MSI2: variants seen among roughly 807,000 people sequenced by gnomAD.
MSI2 encodes the protein musashi RNA binding protein 2, also known as RNA-binding protein Musashi homolog 2.
MSI2 carries 17 observed loss-of-function variants against 45.6 expected under a neutral mutation model. The ratio of observed to expected loss-of-function variants is 0.37; its 90% CI spans 0.26 to 0.56. The LOEUF (loss-of-function observed/expected upper bound fraction) is 0.56. MSI2 is among the 20% of genes least tolerant of loss of function. The pLI is 0.77. For synonymous variants in MSI2, 156 were observed against 158.2 expected (o/e 0.99, Z 0.11); for missense variants, 293 against 444.2 (o/e 0.66, Z 3.06).
At chr17:57,519,323 T>C (rs980679793) in intron 6 of MSI2, among the ~76,000 whole-genome samples, 1 of 152,176 alleles carries the variant, frequency 6.6e-6, no homozygotes, top group Non-Finnish European at 1.5e-5. Context: ...CAGTGTCTGT[T>C]ATGATGAGCA....
At chr17:57,650,968 C>T (rs1339821330) in intron 10 of MSI2, among the ~76,000 whole-genome samples, 1 of 152,096 alleles carries the variant, frequency 6.6e-6, no homozygotes, top group Non-Finnish European at 1.5e-5. Context: ...ATTGAGTTTG[C>T]GGCTGGCTTC....
rs1008179582 is a variant in MSI2 at position 57,684,249 on chromosome 17, G to A, written c.*4732G>A. The A allele has an allele frequency of 6.3e-5, 13 of 205,594 alleles. No homozygotes were observed. Among genetic ancestry groups the A allele is most frequent in the African/African-American group, 1.6e-4 (7 of 43,774 alleles). The allele number at this position is 205,594 out of a possible 1,614,324, so 12.7% of individuals were successfully genotyped here. On this transcript the variant is annotated 3_prime_UTR_variant, in exon 14 of 14. Transcript: ENST00000284073. ...AGTAGCGTGGGCTAGCCAATCTGCCGTTCATGGTGTATTGTAAACTCCGAA... is the reference window on the plus strand; with the variant it reads ...AGTAGCGTGGGCTAGCCAATCTGCCATTCATGGTGTATTGTAAACTCCGAA...
intron 6 of MSI2, among the ~76,000 whole-genome samples, chr17:57,483,391 C>T (rs1418136710): frequency 6.6e-6 from 1 of 152,116 alleles, no homozygotes; most frequent in Admixed American, 6.5e-5. Context: ...ATTGGTTCTT[C>T]AATATTAGGG....
intron 6 of MSI2, among the ~76,000 whole-genome samples, chr17:57,464,810 A>G (rs1446708211): frequency 6.6e-6 from 1 of 152,220 alleles, no homozygotes; most frequent in Admixed American, 6.5e-5. Context: ...GCTTGGCCAG[A>G]AGACGTCTGA....
chr17:57,649,590 C>A (rs181380157), intron 10 of MSI2, among the ~76,000 whole-genome samples: 2 of 152,212 alleles, frequency 1.3e-5, no homozygotes, highest in African/African-American at 4.8e-5. Flanking sequence ...AACACACACA[C>A]CCCTTGTATC....
chr17:57,481,026 T>G (rs2085637676), intron 6 of MSI2, among the ~76,000 whole-genome samples: 1 of 152,218 alleles, frequency 6.6e-6, no homozygotes, highest in Non-Finnish European at 1.5e-5. Context: ...TGACTCATAG[T>G]ACAGGATGGT....
chr17:57,305,077 G>A (rs565818895), intron 5 of MSI2, among the ~76,000 whole-genome samples: 1 of 152,230 alleles, frequency 6.6e-6, no homozygotes, highest in African/African-American at 2.4e-5. Context: ...ATTACAGGCA[G>A]GAGAGTGTTA....
At chr17:57,657,649 A>C (rs1442602084) in intron 11 of MSI2, among the ~76,000 whole-genome samples, 4 of 152,214 alleles carry the variant, frequency 2.6e-5, no homozygotes, top group Non-Finnish European at 4.4e-5. Flanking sequence ...GATCTCAAGA[A>C]GTAGATATGC....
chr17:57,583,858 G>A (rs920918952), intron 7 of MSI2, among the ~76,000 whole-genome samples: 2 of 152,198 alleles, frequency 1.3e-5, no homozygotes, highest in African/African-American at 4.8e-5. Context: ...ACTCAATTCT[G>A]AGGATGGGAC....
intron 6 of MSI2, among the ~76,000 whole-genome samples, chr17:57,442,078 C>T (rs1233433309): frequency 6.7e-6 from 1 of 150,260 alleles, no homozygotes; most frequent in Non-Finnish European, 1.5e-5. Flanking sequence ...TGCTCTGTCT[C>T]CAGGCTGGAG....
At chr17:57,270,417 C>T (rs959348636) in intron 5 of MSI2, among the ~76,000 whole-genome samples, 2 of 152,202 alleles carry the variant, frequency 1.3e-5, no homozygotes, top group African/African-American at 4.8e-5. Context: ...AGCCTTGCTG[C>T]ATCCAACATG....
the MSI2 span, among the ~76,000 whole-genome samples, chr17:57,691,241 A>ATC: frequency 2.9e-3 from 423 of 146,636 alleles, 2 homozygotes; most frequent in African/African-American, 9.6e-3. Flanking sequence ...CTATCTATCT[A>ATC]TATTGCCATA....
At chr17:57,427,730 G>A (rs79327779) in intron 6 of MSI2, among the ~76,000 whole-genome samples, 5,371 of 152,210 alleles carry the variant, frequency 0.035, 111 homozygotes, top group Middle Eastern at 0.085. Context: ...CTCATCCGCA[G>A]TATTCCTGAC....
At chr17:57,477,490 A>G (rs2085564446) in intron 6 of MSI2, among the ~76,000 whole-genome samples, 2 of 152,112 alleles carry the variant, frequency 1.3e-5, no homozygotes. Context: ...CCCATGTCCT[A>G]GAATTCTCCT....
rs1198265116 is a variant in MSI2 at position 57,417,936 on chromosome 17, CTTCCTCCCTG to C, written c.405+16467_405+16476del. Among the ~76,000 whole-genome samples, 4 of 152,190 alleles carry C rather than the reference CTTCCTCCCTG, an allele frequency of 2.6e-5. No individual in the cohort carries two copies. In the East Asian group the frequency reaches 5.8e-4, roughly 22 times the overall value. ...ATACCATTTATTTTCACAATTGTTC[CTTCCTCCCTG>C]TGTCTAGGAATTACAGAGTCATTGT... On this transcript the variant is annotated intron_variant, in intron 6 of 13. Coordinates refer to ENST00000284073, the MANE Select transcript of MSI2 (RefSeq NM_138962.4).
intron 5 of MSI2, among the ~76,000 whole-genome samples, chr17:57,331,674 C>T (rs1650453584): frequency 6.6e-6 from 1 of 152,166 alleles, no homozygotes; most frequent in Admixed American, 6.5e-5. Flanking sequence ...ACTGGAGGTG[C>T]TTGGCATGTA....
At chr17:57,469,026 A>T (rs935609861) in intron 6 of MSI2, among the ~76,000 whole-genome samples, 4 of 152,184 alleles carry the variant, frequency 2.6e-5, no homozygotes, top group Admixed American at 6.5e-5. Context: ...AGGCTGCCCG[A>T]TACCAGCTCT....
intron 6 of MSI2, among the ~76,000 whole-genome samples, chr17:57,498,277 G>A (rs995217149): frequency 1.3e-5 from 2 of 152,182 alleles, no homozygotes; most frequent in Non-Finnish European, 2.9e-5. Flanking sequence ...ATGCCAAAGC[G>A]TTCCCAGTCC....
intron 6 of MSI2, among the ~76,000 whole-genome samples, chr17:57,468,551 G>T (rs1451986378): frequency 6.6e-6 from 1 of 150,718 alleles, no homozygotes; most frequent in Non-Finnish European, 1.5e-5. Flanking sequence ...AGCAGTGGCT[G>T]GCACATTGTA....
Sources: allele counts gnomAD v4.1 joint callset (sites outside exome capture counted in the v4.1 genomes callset), GRCh38; gene constraint gnomAD v4.1.1; transcripts MANE v1.5; gene names NCBI Gene and HGNC (gene_info 2026-07-23, HGNC 2026-07-21).